KCNH7: variants seen among roughly 807,000 people sequenced by gnomAD.
The protein encoded by KCNH7 is potassium voltage-gated channel subfamily H member 7.
A neutral mutation model predicts 120.8 loss-of-function variants in KCNH7; 49 were observed. The ratio of observed to expected loss-of-function variants is 0.41; its 90% CI spans 0.32 to 0.51. The LOEUF (loss-of-function observed/expected upper bound fraction) is 0.51. KCNH7 is among the 20% of genes least tolerant of loss of function. The pLI is 0.38. For missense variants in KCNH7, 1,097 were observed against 1,446.6 expected (o/e 0.76, Z 3.92); for synonymous variants, 547 against 516.1 (o/e 1.06, Z -0.81).
chr2:162,451,005 G>T (rs888169465), intron 6 of KCNH7, among the ~76,000 whole-genome samples: 1 of 151,944 alleles, frequency 6.6e-6, no homozygotes, highest in African/African-American at 2.4e-5. Context: ...AATCTTATTA[G>T]ACCCAATCAG....
Position 162,616,342 on chromosome 2 carries a change from A to G in KCNH7, c.308-79262T>C, listed in dbSNP as rs895432364. Among the ~76,000 whole-genome samples the G allele has an allele frequency of 2.0e-5, 3 of 152,234 alleles. No homozygotes were observed. In the East Asian group the frequency reaches 5.8e-4, roughly 29 times the overall value. On this transcript the variant is annotated intron_variant, in intron 2 of 15. Coordinates refer to ENST00000332142, the MANE Select transcript of KCNH7 (RefSeq NM_033272.4). ...GGTTTTGGGGAGATGAGACTTGGGA[A>G]TACTAAATCTTTTAAGTTAAAGAAA...
chr2:162,827,731 G>T (rs898001158), intron 2 of KCNH7, among the ~76,000 whole-genome samples: 1 of 152,130 alleles, frequency 6.6e-6, no homozygotes, highest in African/African-American at 2.4e-5. Flanking sequence ...GGTAGAGTTT[G>T]CAAGTATAGA....
intron 2 of KCNH7, among the ~76,000 whole-genome samples, chr2:162,759,556 G>C (rs770892522): frequency 3.3e-5 from 5 of 152,018 alleles, no homozygotes; most frequent in African/African-American, 4.8e-5. Flanking sequence ...GTAAGGGCAT[G>C]TCACAATAAT....
chr2:162,649,790 T>C lies in KCNH7; in HGVS notation c.308-112710A>G, dbSNP rs141795837. ...AAAGGAATTCTTCAATCTCTCTTTG[T>C]TGGGTCAGTAACCGAGTATAATTAA... On this transcript the variant is annotated intron_variant, in intron 2 of 15. Coordinates refer to ENST00000332142, the MANE Select transcript of KCNH7 (RefSeq NM_033272.4). Among the ~76,000 whole-genome samples, 541 of 152,314 alleles carry C rather than the reference T, an allele frequency of 3.6e-3. 3 individuals carry two copies. The highest frequency in any genetic ancestry group is 0.012 in the African/African-American group (508 of 41,580).
intron 2 of KCNH7, among the ~76,000 whole-genome samples, chr2:162,583,076 G>C (rs1447469466): frequency 2.0e-5 from 3 of 152,006 alleles, no homozygotes; most frequent in Non-Finnish European, 4.4e-5. Context: ...TTTCAAAATT[G>C]CATCCCTGGT....
At chr2:162,581,652 C>T (rs1018957152) in intron 2 of KCNH7, among the ~76,000 whole-genome samples, 21 of 151,700 alleles carry the variant, frequency 1.4e-4, no homozygotes, top group Non-Finnish European at 7.4e-5. Context: ...AAGATGCAAA[C>T]GTTTTTATAT....
chr2:162,506,592 C>G (rs1039517872), intron 5 of KCNH7, among the ~76,000 whole-genome samples: 1 of 151,744 alleles, frequency 6.6e-6, no homozygotes. Context: ...GTATTCAAAG[C>G]CCTTAAGCTC....
At chr2:162,682,982 A>T (rs1448874879) in intron 2 of KCNH7, among the ~76,000 whole-genome samples, 2 of 151,818 alleles carry the variant, frequency 1.3e-5, no homozygotes, top group East Asian at 3.9e-4. Context: ...GGATAGTCTA[A>T]TTTTTTTATT....
intron 2 of KCNH7, among the ~76,000 whole-genome samples, chr2:162,726,902 G>C (rs1470760026): frequency 6.6e-6 from 1 of 152,088 alleles, no homozygotes; most frequent in African/African-American, 2.4e-5. Flanking sequence ...TTTTCCCAAG[G>C]AACACTGATT....
At chr2:162,789,329 C>A (rs891096842) in intron 2 of KCNH7, among the ~76,000 whole-genome samples, 1 of 151,868 alleles carries the variant, frequency 6.6e-6, no homozygotes, top group Non-Finnish European at 1.5e-5. Flanking sequence ...AATAGATATA[C>A]AATATCTATT....
chr2:162,685,156 T>G (rs1264214919), intron 2 of KCNH7, among the ~76,000 whole-genome samples: 3 of 151,558 alleles, frequency 2.0e-5, no homozygotes, highest in Non-Finnish European at 1.5e-5. Context: ...TGAGAACACA[T>G]GGACACAGGG....
At position 162,614,206 on chromosome 2, in the gene KCNH7, A is replaced by G. The variant is rs543694964; in HGVS notation, c.308-77126T>C. On this transcript the variant is annotated intron_variant, in intron 2 of 15. Transcript: ENST00000332142. ...AAAGTGCCTAATCTACTACAAAACC[A>G]TAATTTTGCAAAATAAAAAATCACA... Among the ~76,000 whole-genome samples, 8 of 152,186 alleles carry G rather than the reference A, an allele frequency of 5.3e-5. No homozygotes were observed. The South Asian group carries it at 1.5e-3, about 28-fold the overall frequency.
intron 9 of KCNH7, among the ~76,000 whole-genome samples, chr2:162,417,835 C>T (rs369388068): frequency 1.3e-5 from 2 of 152,220 alleles, no homozygotes; most frequent in Non-Finnish European, 2.9e-5. Flanking sequence ...ACATTAGATG[C>T]CTGTCTTAAG....
intron 6 of KCNH7, among the ~76,000 whole-genome samples, chr2:162,472,287 G>C (rs1342393124): frequency 5.3e-5 from 8 of 152,052 alleles, no homozygotes; most frequent in East Asian, 3.9e-4. Flanking sequence ...AAACTACCAT[G>C]AGAGTGAACA....
chr2:162,544,447 G>T (rs1434332677), intron 2 of KCNH7, among the ~76,000 whole-genome samples: 1 of 152,074 alleles, frequency 6.6e-6, no homozygotes, highest in Non-Finnish European at 1.5e-5. Context: ...TCACAAAAAT[G>T]GCAATAGTAC....
At chr2:162,550,467 T>C (rs1220379175) in intron 2 of KCNH7, among the ~76,000 whole-genome samples, 2 of 152,148 alleles carry the variant, frequency 1.3e-5, no homozygotes, top group Non-Finnish European at 2.9e-5. Flanking sequence ...ATTCAAATCT[T>C]ATGGGGTTGC....
chr2:162,456,735 T>C (rs934894173), intron 6 of KCNH7, among the ~76,000 whole-genome samples: 5 of 152,320 alleles, frequency 3.3e-5, no homozygotes, highest in Non-Finnish European at 7.4e-5. Context: ...TCTTGTTACA[T>C]CAGTCTCTTT....
chr2:162,696,639 AG>A (rs754066134), intron 2 of KCNH7, among the ~76,000 whole-genome samples: 15 of 148,952 alleles, frequency 1.0e-4, no homozygotes, highest in Non-Finnish European at 2.2e-4. Context: ...AAAAGATCCT[AG>A]GTCTTCTTAA....
At chr2:162,460,482 T>C (rs1400118565) in intron 6 of KCNH7, among the ~76,000 whole-genome samples, 2 of 152,190 alleles carry the variant, frequency 1.3e-5, no homozygotes, top group Admixed American at 1.3e-4. Flanking sequence ...GCTTAGTTCA[T>C]CAATGCCTTG....
Sources: allele counts gnomAD v4.1 joint callset (sites outside exome capture counted in the v4.1 genomes callset), GRCh38; gene constraint gnomAD v4.1.1; transcripts MANE v1.5; gene names NCBI Gene and HGNC (gene_info 2026-07-23, HGNC 2026-07-21).